The following RAB3IP variants were observed in gnomAD, a reference collection of about 807,000 sequenced individuals.
The protein encoded by RAB3IP is RAB3A interacting protein.
In RAB3IP, 36 loss-of-function variants were observed where a neutral mutation model predicts 59.1. That is an observed-to-expected ratio of 0.61 (90% CI 0.47 to 0.80). RAB3IP has a LOEUF of 0.80. Among genes scored for constraint, RAB3IP ranks in the 30% least tolerant of loss-of-function variants. The pLI is 0.00. For missense variants in RAB3IP, 511 were observed against 536.0 expected (o/e 0.95, Z 0.46); for synonymous variants, 207 against 191.2 (o/e 1.08, Z -0.68).
At chr12:69,762,586 T>C (rs1292216747) in intron 3 of RAB3IP, among the ~76,000 whole-genome samples, 4 of 151,516 alleles carry the variant, frequency 2.6e-5, no homozygotes, top group Non-Finnish European at 5.9e-5. Context: ...TGAAACCGCT[T>C]CTCTACTAAA....
chr12:69,809,269 G>A (rs1880001429), intron 8 of RAB3IP, among the ~76,000 whole-genome samples: 1 of 152,126 alleles, frequency 6.6e-6, no homozygotes, highest in African/African-American at 2.4e-5. Flanking sequence ...CGAGAGATCA[G>A]CTGTTAGTCT....
chr12:69,807,292 G>GC (rs1857333743), intron 8 of RAB3IP, among the ~76,000 whole-genome samples: 1 of 145,930 alleles, frequency 6.9e-6, no homozygotes, highest in Non-Finnish European at 1.5e-5. Flanking sequence ...GGGCAGAGGC[G>GC]CTCCTCACCT....
chr12:69,768,270 G>A (rs1328864268), intron 3 of RAB3IP, among the ~76,000 whole-genome samples: 1 of 152,146 alleles, frequency 6.6e-6, no homozygotes, highest in African/African-American at 2.4e-5. Context: ...CTATGTCCAG[G>A]AAAGGGTAGG....
chr12:69,787,161 A>G (rs960674599), intron 4 of RAB3IP, among the ~76,000 whole-genome samples: 3 of 152,172 alleles, frequency 2.0e-5, no homozygotes, highest in East Asian at 1.9e-4. Context: ...GACATGTATA[A>G]TAGGAGTCTA....
At chr12:69,764,728 C>G (rs1871918572) in intron 3 of RAB3IP, among the ~76,000 whole-genome samples, 1 of 151,798 alleles carries the variant, frequency 6.6e-6, no homozygotes, top group South Asian at 2.1e-4. Context: ...CTGTAGATTG[C>G]TTTGGGCAGT....
intron 3 of RAB3IP, among the ~76,000 whole-genome samples, chr12:69,782,115 C>T (rs1039524870): frequency 3.3e-5 from 5 of 152,170 alleles, no homozygotes. Flanking sequence ...AACTCGTGTT[C>T]TGAGTTTTGG....
intron 8 of RAB3IP, among the ~76,000 whole-genome samples, chr12:69,805,306 T>C (rs931969952): frequency 1.8e-4 from 27 of 152,230 alleles, no homozygotes; most frequent in African/African-American, 6.3e-4. Context: ...TTGTCTGTTA[T>C]TGGTGTATAA....
chr12:69,788,610 G>A (rs2092794082), intron 4 of RAB3IP, among the ~76,000 whole-genome samples: 1 of 152,006 alleles, frequency 6.6e-6, no homozygotes, highest in African/African-American at 2.4e-5. Flanking sequence ...TTAATAATAG[G>A]TGACTTCAAT....
intron 6 of RAB3IP, chr12:69,796,618 A>T (rs1877472038): frequency 1.6e-6 from 1 of 631,644 alleles, no homozygotes; most frequent in Non-Finnish European, 2.9e-6. Flanking sequence ...TTGCATTTTG[A>T]CGAATTATCA....
At position 69,820,387 on chromosome 12, in the gene RAB3IP, T is replaced by G. The variant is rs1479116810; in HGVS notation, c.*4941T>G. ...TCCACTGCTACCACTCTGCCCAAGC[T>G]ATTATCATCTTTCACCTGAACTCCT... On this transcript the variant is annotated 3_prime_UTR_variant, in exon 11 of 11. Transcript: ENST00000247833. 6.6e-6 allele frequency: 1 copy of G among 152,166 alleles called. No individual in the cohort carries two copies. The highest frequency in any genetic ancestry group is 1.9e-4 in the East Asian group (1 of 5,168). The allele number at this position is 152,166 out of a possible 1,614,324, so 9.4% of individuals were successfully genotyped here. A position where few individuals can be genotyped will look rare whatever the true frequency, so the allele number is the denominator to read the frequency against.
In RAB3IP at chr12:69,821,385, T is replaced by C. The variant is rs1217314817; in HGVS notation, c.*5939T>C. 3.9e-5 allele frequency: 6 copies of C among 152,232 alleles called. No homozygotes were observed. The highest frequency in any genetic ancestry group is 8.8e-5 in the Non-Finnish European group (6 of 68,042). 9.4% of individuals were successfully genotyped at this position (152,232 alleles called of 1,614,324 possible). A position where few individuals can be genotyped will look rare whatever the true frequency, so the allele number is the denominator to read the frequency against. On this transcript the variant is annotated 3_prime_UTR_variant, in exon 11 of 11. Transcript: ENST00000247833. ...TCAGGAAAATACGCATCATATTTGT[T>C]ATTCACTGAGAGGGAGGAATTTCCA...
intron 1 of RAB3IP, among the ~76,000 whole-genome samples, chr12:69,742,415 T>C (rs1297148124): frequency 2.6e-5 from 4 of 152,230 alleles, no homozygotes; most frequent in African/African-American, 7.2e-5. Flanking sequence ...GATGGTACTC[T>C]TTTTAAAAAT....
In RAB3IP at chr12:69,758,756, C is replaced by CTTTTTTTT. The variant is rs71437121; in HGVS notation, c.510+2111_510+2118dup. Among the ~76,000 whole-genome samples the CTTTTTTTT allele has an allele frequency of 3.0e-3, 147 of 48,202 alleles. 4 individuals carry two copies. Among genetic ancestry groups the CTTTTTTTT allele is most frequent in the African/African-American group, 0.01 (133 of 12,850 alleles). 31.6% of individuals were successfully genotyped at this position (48,202 alleles called of 152,430 possible). On this transcript the variant is annotated intron_variant, in intron 3 of 10. Transcript: ENST00000247833. ...TACATGGGCATCTGTGTGTTCATTC[C>CTTTTTTTT]TTTTTTTTTTTTTTTTTTTTTTTTT...
intron 8 of RAB3IP, among the ~76,000 whole-genome samples, chr12:69,809,821 T>C (rs1373059932): frequency 1.3e-5 from 2 of 152,220 alleles, no homozygotes; most frequent in Non-Finnish European, 2.9e-5. Context: ...TCAAGGTTTT[T>C]AACTTCTTTG....
At chr12:69,755,818 A>C (rs1870126392) in intron 2 of RAB3IP, among the ~76,000 whole-genome samples, 159 bp downstream of exon 2, 4 of 152,218 alleles carry the variant, frequency 2.6e-5, no homozygotes, top group Admixed American at 2.0e-4. Context: ...CAGGGTTGAC[A>C]AACTTTATAT....
upstream of RAB3IP, chr12:69,738,371 G>C (rs1230481017): frequency 6.6e-6 from 1 of 152,154 alleles, no homozygotes; most frequent in Non-Finnish European, 1.5e-5. Context: ...CGAACGCTCT[G>C]GCAGTTGCTG....
rs866711317 is a variant in RAB3IP at position 69,809,391 on chromosome 12, G to T, written c.1131-3387G>T. On this transcript the variant is annotated intron_variant, in intron 8 of 10. Coordinates refer to ENST00000247833, the MANE Select transcript of RAB3IP (RefSeq NM_022456.5). ...CAATTATGTGTCTTGGAGTTGCTCT[G>T]CTCGAGGAGTATCTTTGTAGCATTC... Among the ~76,000 whole-genome samples the T allele has an allele frequency of 8.4e-4, 128 of 152,136 alleles. No individual in the cohort carries two copies. In the Middle Eastern group the frequency reaches 0.014, roughly 16 times the overall value.
intron 6 of RAB3IP, 102 bp from the exon 7 acceptor site, chr12:69,800,107 A>G (rs1266539446): frequency 7.0e-6 from 6 of 854,404 alleles, no homozygotes; most frequent in Non-Finnish European, 9.9e-6. Flanking sequence ...TTAAATGAAG[A>G]GCTTTTTTTC....
intron 1 of RAB3IP, among the ~76,000 whole-genome samples, chr12:69,746,593 G>T (rs1868365134): frequency 6.6e-6 from 1 of 152,118 alleles, no homozygotes; most frequent in Non-Finnish European, 1.5e-5. Flanking sequence ...ATCAGGATTT[G>T]CCCGGAGGTG....
Sources: allele counts gnomAD v4.1 joint callset (sites outside exome capture counted in the v4.1 genomes callset), GRCh38; gene constraint gnomAD v4.1.1; transcripts MANE v1.5; gene names NCBI Gene and HGNC (gene_info 2026-07-23, HGNC 2026-07-21).